Variants in TMEM94 observed in about 807,000 individuals in gnomAD.
TMEM94 encodes the protein ER Mg2+ ATPase.
Under a neutral mutation model 158.6 loss-of-function variants are expected in TMEM94, and 81 were observed. The ratio of observed to expected loss-of-function variants is 0.51; its 90% CI spans 0.43 to 0.61. TMEM94 has a LOEUF of 0.61. Ranked by LOEUF, TMEM94 falls within the 20% of genes least tolerant of loss-of-function variation. The pLI, the probability that TMEM94 is intolerant of heterozygous loss-of-function variation, is 0.00. For synonymous variants in TMEM94, 751 were observed against 730.7 expected (o/e 1.03, Z -0.45); for missense variants, 1,435 against 1,762.0 (o/e 0.81, Z 3.32).
intron 2 of TMEM94, among the ~76,000 whole-genome samples, chr17:75,477,948 G>T (rs2050804080): frequency 6.8e-6 from 1 of 146,082 alleles, no homozygotes; most frequent in Non-Finnish European, 1.5e-5. Context: ...GACGGAGGTT[G>T]TGGTGAGCCA....
chr17:75,499,216 T>G, intron 31 of TMEM94, 46 bp from the exon 32 acceptor site: 1 of 1,610,586 alleles, frequency 6.2e-7, no homozygotes. Context: ...CGGCCCCTGG[T>G]CTAAGGATCT....
In TMEM94 at chr17:75,487,878, TG is replaced by T; in HGVS notation, c.410-48del. The T allele has an allele frequency of 1.3e-6, 2 of 1,488,540 alleles. No homozygotes were observed. The highest frequency in any genetic ancestry group is 1.1e-5 in the South Asian group (1 of 87,030). The allele number at this position is 1,488,540 out of a possible 1,614,324, so 92.2% of individuals were successfully genotyped here. On this transcript the variant is annotated intron_variant, in intron 5 of 31. Transcript: ENST00000314256. The surrounding 1 kb of genome is among the most constrained non-coding windows in gnomAD (Gnocchi z 4.6). ...TTCCGGAAGTGCTGCTGTATCTGAC[TG>T]GGGGGCAGGGCCGTGGCTGAGAGGG...
At position 75,489,802 on chromosome 17, in the gene TMEM94, TGGGCGTGG is replaced by T; in HGVS notation, c.954+143_954+150del. The T allele has an allele frequency of 1.3e-6, 1 of 747,440 alleles. No individual in the cohort carries two copies. Among genetic ancestry groups the T allele is most frequent in the Non-Finnish European group, 2.3e-6 (1 of 444,186 alleles). The allele number at this position is 747,440 out of a possible 1,614,324, so 46.3% of individuals were successfully genotyped here. A position where few individuals can be genotyped will look rare whatever the true frequency, so the allele number is the denominator to read the frequency against. On this transcript the variant is annotated intron_variant, in intron 9 of 31. Coordinates refer to ENST00000314256, the MANE Select transcript of TMEM94 (RefSeq NM_014738.6). The surrounding 1 kb of genome is among the most constrained non-coding windows in gnomAD (Gnocchi z 5.0). The stretch of plus-strand genomic sequence containing the variant: ...CAGCTTAAGAACACCTCTTTCCAGC[TGGGCGTGG>T]GGACTCAGGCCTGTAATCCAAGCAC...
At chr17:75,468,013 G>A (rs1440983621) in intron 1 of TMEM94, among the ~76,000 whole-genome samples, 2 of 152,164 alleles carry the variant, frequency 1.3e-5, no homozygotes, top group Admixed American at 6.5e-5. Flanking sequence ...GCTCCTCTGT[G>A]AAATAGATAT....
Position 75,478,101 on chromosome 17 carries a change from C to T in TMEM94, c.24+6172C>T, listed in dbSNP as rs1426232082. On this transcript the variant is annotated intron_variant, in intron 2 of 31. Transcript: ENST00000314256. ...CGGGATCTCGGCTCACTGCAAGCTCCGCCTCCCGGGTTCACGCCATTCTCC... is the reference window on the plus strand; with the variant it reads ...CGGGATCTCGGCTCACTGCAAGCTCTGCCTCCCGGGTTCACGCCATTCTCC... Among the ~76,000 whole-genome samples the T allele has an allele frequency of 6.0e-4, 76 of 127,072 alleles. No homozygotes were observed. The Middle Eastern group carries it at 0.014, about 23-fold the overall frequency. The allele number at this position is 127,072 out of a possible 152,430, so 83.4% of individuals were successfully genotyped here. A position where few individuals can be genotyped will look rare whatever the true frequency, so the allele number is the denominator to read the frequency against.
rs1420633733 is a variant in TMEM94, at chr17:75,458,950, G to C, written c.-107+2199G>C. On this transcript the variant is annotated intron_variant, in intron 1 of 31. Transcript: ENST00000314256. ...CGGGTGCCTGTAGTCCCAGCTACTT[G>C]GGAGGCTGAGGCAGGAGAATGGCGT... Among the ~76,000 whole-genome samples, 3 of 151,274 alleles carry C rather than the reference G, an allele frequency of 2.0e-5. No homozygotes were observed. In the East Asian group the frequency reaches 5.8e-4, roughly 29 times the overall value.
At chr17:75,462,876 A>T (rs1234079768) in intron 1 of TMEM94, among the ~76,000 whole-genome samples, 1 of 146,442 alleles carries the variant, frequency 6.8e-6, no homozygotes, top group African/African-American at 2.6e-5. Context: ...GGTCCCAGCT[A>T]CTCGGGTGGC....
chr17:75,471,772 G>C (rs1336474559), intron 1 of TMEM94, 28 bp from the exon 2 acceptor site: 1 of 867,664 alleles, frequency 1.2e-6, no homozygotes, highest in Non-Finnish European at 1.9e-6. Flanking sequence ...CCAGCAACCT[G>C]AGTGATTTCT....
chr17:75,495,336 G>C lies in TMEM94; in HGVS notation c.2781G>C (p.Ser927=). The C allele has an allele frequency of 6.2e-7, 1 of 1,613,834 alleles. No homozygotes were observed. ...TCCTCATGGAGGAGGAGGGCCACTC[G>C]GACCTCATCAGCTTCCAGCCTACGG... The part of the protein sequence containing the change: ...GLLLMEEEGH[S]DLISFQPTDS... The change falls in exon 21 of 32, where the codon TCG becomes TCC. Residue 927 remains serine, a synonymous_variant. Coordinates refer to ENST00000314256, the MANE Select transcript of TMEM94 (RefSeq NM_014738.6). This position sits in a 1 kb window ranked among gnomAD's most constrained non-coding sequence, Gnocchi z 5.6.
chr17:75,472,934 G>A (rs1299160465), intron 2 of TMEM94, among the ~76,000 whole-genome samples: 3 of 152,074 alleles, frequency 2.0e-5, no homozygotes, highest in Non-Finnish European at 4.4e-5. Flanking sequence ...CTTCCTTTCA[G>A]CATTTGTAGT....
At chr17:75,464,764 G>A (rs1598309757) in intron 1 of TMEM94, among the ~76,000 whole-genome samples, 1 of 149,584 alleles carries the variant, frequency 6.7e-6, no homozygotes, top group Admixed American at 6.7e-5. Flanking sequence ...GATGGAGTGC[G>A]ATGGCATGAT....
intron 31 of TMEM94, 85 bp from the exon 32 acceptor site, chr17:75,499,177 T>C: frequency 6.3e-7 from 1 of 1,592,008 alleles, no homozygotes; most frequent in Non-Finnish European, 8.6e-7. Flanking sequence ...CCGCTGCCCA[T>C]CCCTCCCTCC....
intron 1 of TMEM94, among the ~76,000 whole-genome samples, chr17:75,467,810 G>A (rs983976500): frequency 2.6e-5 from 4 of 152,050 alleles, no homozygotes; most frequent in Non-Finnish European, 4.4e-5. Context: ...GGGATTACAG[G>A]CGTGAGCCAC....
chr17:75,488,752 C>G lies in TMEM94; in HGVS notation c.613-7C>G. On this transcript the variant is annotated splice_region_variant and splice_polypyrimidine_tract_variant and intron_variant, in intron 6 of 31. Transcript: ENST00000314256. ...CTCGTTCCCACTCTCCCACTTGCTG[C>G]CGGCAGGATGACGAGCACATCGTCC... The G allele has an allele frequency of 6.2e-7, 1 of 1,613,780 alleles. No individual in the cohort carries two copies. Among genetic ancestry groups the G allele is most frequent in the Non-Finnish European group, 8.5e-7 (1 of 1,179,870 alleles).
intron 1 of TMEM94, among the ~76,000 whole-genome samples, chr17:75,464,085 C>T (rs2050201811): frequency 6.6e-6 from 1 of 152,172 alleles, no homozygotes; most frequent in Non-Finnish European, 1.5e-5. Flanking sequence ...TCAACCTGAG[C>T]CTTGGGCTCC....
chr17:75,467,837 T>A (rs1567910082), intron 1 of TMEM94, among the ~76,000 whole-genome samples: 1 of 152,230 alleles, frequency 6.6e-6, no homozygotes, highest in African/African-American at 2.4e-5. Context: ...CGGCCCCATT[T>A]CTTTTTCTTC....
intron 1 of TMEM94, among the ~76,000 whole-genome samples, chr17:75,458,340 T>TA (rs965873913): frequency 4.8e-4 from 72 of 151,112 alleles, no homozygotes; most frequent in Admixed American, 3.7e-3. Context: ...AGAGGTAGTT[T>TA]AAAAAAAAAG....
Position 75,485,557 on chromosome 17 carries a change from C to T in TMEM94, c.144+10C>T, listed in dbSNP as rs142094018. The T allele has an allele frequency of 2.1e-4, 335 of 1,614,132 alleles. 3 individuals are homozygous for T. In the African/African-American group the frequency reaches 4.2e-3, roughly 20 times the overall value. On this transcript the variant is annotated intron_variant, in intron 3 of 31. Coordinates refer to ENST00000314256, the MANE Select transcript of TMEM94 (RefSeq NM_014738.6). The surrounding 1 kb of genome is among the most constrained non-coding windows in gnomAD (Gnocchi z 5.5). The stretch of plus-strand genomic sequence containing the variant: ...GTGTCTGACGTGGAAGGTGAAGCTT[C>T]TTCTCGGGGCTACCAGGGCCTGGCT...
At chr17:75,496,150 C>T in intron 23 of TMEM94, 76 bp downstream of exon 23, 1 of 1,510,318 alleles carries the variant, frequency 6.6e-7, no homozygotes, top group Non-Finnish European at 9.1e-7. Context: ...CTGCGTGGGG[C>T]TGGGGGTGTG....
Sources: gnomAD v4.1 joint callset for allele counts (sites outside exome capture counted in the v4.1 genomes callset) on GRCh38, gnomAD v4.1.1 for gene constraint, Gnocchi (gnomAD v3.1) non-coding constraint, MANE v1.5 for transcripts, NCBI Gene and HGNC (gene_info 2026-07-23, HGNC 2026-07-21) for gene names.